The following PXK variants were observed in gnomAD, a reference collection of about 807,000 sequenced individuals.
The protein encoded by PXK is PX domain-containing protein kinase-like protein.
A neutral mutation model predicts 84.7 loss-of-function variants in PXK; 35 were observed. That is an observed-to-expected ratio of 0.41 (90% CI 0.32 to 0.55). The LOEUF is 0.55. PXK is among the 20% of genes least tolerant of loss of function. PXK has a pLI of 0.21. For synonymous variants in PXK, 253 were observed against 260.8 expected (o/e 0.97, Z 0.29); for missense variants, 634 against 699.7 (o/e 0.91, Z 1.06).
At chr3:58,357,964 C>CA (rs111921619) in intron 1 of PXK, among the ~76,000 whole-genome samples, 20,031 of 148,490 alleles carry the variant, frequency 0.13, 2,115 homozygotes, top group African/African-American at 0.29. Flanking sequence ...GACTCTGTCT[C>CA]AAAACAAAAA....
chr3:58,412,850 C>CAA lies in PXK; in HGVS notation c.1466-51_1466-50insAA. ...AGTGGGTCCCAGCCTGGGCCAAATT[C>CAA]CAAATGTCTTTCGTTGGTCCCCATG... On this transcript the variant is annotated intron_variant, in intron 16 of 17. Transcript: ENST00000356151. The surrounding 1 kb of genome is among the most constrained non-coding windows in gnomAD (Gnocchi z 6.2). The CAA allele has an allele frequency of 6.3e-7, 1 of 1,595,472 alleles. No homozygotes were observed.
At chr3:58,342,437 C>A (rs2097753401) in intron 1 of PXK, among the ~76,000 whole-genome samples, 1 of 151,806 alleles carries the variant, frequency 6.6e-6, no homozygotes, top group African/African-American at 2.4e-5. Flanking sequence ...GAGTTCAAGA[C>A]CAGCCTAGGC....
intron 3 of PXK, among the ~76,000 whole-genome samples, chr3:58,381,862 T>C (rs2098506438): frequency 6.6e-6 from 1 of 152,082 alleles, no homozygotes; most frequent in Non-Finnish European, 1.5e-5. Flanking sequence ...CGAACGTGGC[T>C]GTCTTAGGGG....
chr3:58,375,759 C>T (rs971799455), intron 3 of PXK, among the ~76,000 whole-genome samples: 1 of 152,006 alleles, frequency 6.6e-6, no homozygotes, highest in Non-Finnish European at 1.5e-5. Flanking sequence ...GGATGGGTTC[C>T]GGCCACCTGA....
chr3:58,402,274 C>T (rs6780183), intron 12 of PXK, among the ~76,000 whole-genome samples: 2 of 139,134 alleles, frequency 1.4e-5, no homozygotes, highest in Admixed American at 7.3e-5. Context: ...CTCTCTCCCC[C>T]CTTCTTCTTT....
At chr3:58,354,199 G>T (rs2098012299) in intron 1 of PXK, among the ~76,000 whole-genome samples, 1 of 152,042 alleles carries the variant, frequency 6.6e-6, no homozygotes, top group South Asian at 2.1e-4. Context: ...CCTTTAAACG[G>T]CATTGGCAGA....
At chr3:58,377,154 C>T (rs1297980655) in intron 3 of PXK, among the ~76,000 whole-genome samples, 1 of 152,136 alleles carries the variant, frequency 6.6e-6, no homozygotes, top group Non-Finnish European at 1.5e-5. Context: ...AGAAAATTTA[C>T]TCTGTGTATG....
intron 3 of PXK, among the ~76,000 whole-genome samples, chr3:58,381,244 G>A (rs1257710258): frequency 9.4e-5 from 3 of 31,956 alleles, no homozygotes; most frequent in African/African-American, 1.3e-4. Context: ...GCGAGACTCC[G>A]TCTCAAAAAA....
chr3:58,351,053 C>T (rs899572141), intron 1 of PXK, among the ~76,000 whole-genome samples: 3 of 152,132 alleles, frequency 2.0e-5, no homozygotes, highest in African/African-American at 7.2e-5. Flanking sequence ...CTTCTGTTTT[C>T]CCAGTCTCCC....
At chr3:58,353,498 G>A (rs1251328598) in intron 1 of PXK, among the ~76,000 whole-genome samples, 1 of 152,172 alleles carries the variant, frequency 6.6e-6, no homozygotes, top group Non-Finnish European at 1.5e-5. Flanking sequence ...ACAAAGGTAG[G>A]TTCTAGCACT....
rs1194813481 is a variant in PXK, at chr3:58,344,622, G to A, written c.102+11532G>A. 7.2e-5 allele frequency among the ~76,000 whole-genome samples: 11 copies of A among 152,158 alleles called. 1 individual carries two copies. The highest frequency in any genetic ancestry group is 4.6e-4 in the Admixed American group (7 of 15,276). On this transcript the variant is annotated intron_variant, in intron 1 of 17. Coordinates refer to ENST00000356151, the MANE Select transcript of PXK (RefSeq NM_017771.5). The stretch of plus-strand genomic sequence containing the variant: ...GCAGATCACCTGAGGCCAGGAGTTC[G>A]AGACCAGCCTGGCCAACATGGTGAA...
intron 3 of PXK, among the ~76,000 whole-genome samples, chr3:58,376,164 C>T (rs2098440270): frequency 1.3e-5 from 2 of 152,232 alleles, no homozygotes; most frequent in East Asian, 1.9e-4. Context: ...CCTGTAATTC[C>T]AGCACTTTGG....
At chr3:58,396,929 G>A in intron 9 of PXK, 110 bp from the exon 10 acceptor site, 1 of 1,171,630 alleles carries the variant, frequency 8.5e-7, no homozygotes, top group Non-Finnish European at 1.2e-6. Flanking sequence ...AATCTTCTCA[G>A]TGACCTGTTT....
rs1253555989 is a variant in PXK at position 58,423,558 on chromosome 3, T to C, written c.1529-1194T>C. ...GTCACACTTGGTGAAAAGGATGTAC[T>C]TACCTGAGTATTGTGTTGGTGATTC... On this transcript the variant is annotated intron_variant, in intron 17 of 17. Coordinates refer to ENST00000356151, the MANE Select transcript of PXK (RefSeq NM_017771.5). 1.8e-5 allele frequency: 27 copies of C among 1,523,492 alleles called. No homozygotes were observed. In the Middle Eastern group the frequency reaches 1.7e-3, roughly 95 times the overall value. The allele number at this position is 1,523,492 out of a possible 1,614,324, so 94.4% of individuals were successfully genotyped here.
chr3:58,341,436 C>T (rs1262880083), intron 1 of PXK, among the ~76,000 whole-genome samples: 1 of 152,022 alleles, frequency 6.6e-6, no homozygotes, highest in African/African-American at 2.4e-5. Context: ...GTAGTGCACG[C>T]CTGTAATACT....
chr3:58,350,513 A>G lies in PXK; in HGVS notation c.103-15361A>G, dbSNP rs1179224640. On this transcript the variant is annotated intron_variant, in intron 1 of 17. Coordinates refer to ENST00000356151, the MANE Select transcript of PXK (RefSeq NM_017771.5). ...GTTCATCAAAATGAGTCCTTGGAGC[A>G]TGTGAAAGTATTGTGTCCAAGGGCA... 3.3e-5 allele frequency among the ~76,000 whole-genome samples: 5 copies of G among 152,322 alleles called. No homozygotes were observed. In the East Asian group the frequency reaches 9.6e-4, roughly 29 times the overall value.
At chr3:58,354,448 G>GTT (rs1201406097) in intron 1 of PXK, among the ~76,000 whole-genome samples, 18 of 143,250 alleles carry the variant, frequency 1.3e-4, no homozygotes, top group South Asian at 2.2e-4. Flanking sequence ...CTGCTTCCTA[G>GTT]TTTTTTTTTT....
In PXK at chr3:58,333,095, G is replaced by A. The variant is rs190654532; in HGVS notation, c.102+5G>A. 88 of 1,180,186 alleles carry A rather than the reference G, an allele frequency of 7.5e-5. No homozygotes were observed. Among genetic ancestry groups the A allele is most frequent in the Non-Finnish European group, 8.7e-5 (82 of 947,630 alleles). 73.1% of individuals were successfully genotyped at this position (1,180,186 alleles called of 1,614,324 possible). ...CAGAGCCTGCAGTCCCACACGGTGC[G>A]CGGCCCAGCGGGCGGGCGGGCGGCG... On this transcript the variant is annotated splice_donor_5th_base_variant and intron_variant, in intron 1 of 17. Coordinates refer to ENST00000356151, the MANE Select transcript of PXK (RefSeq NM_017771.5). The surrounding 1 kb of genome is among the most constrained non-coding windows in gnomAD (Gnocchi z 5.4).
chr3:58,422,736 A>G, intron 17 of PXK: 1 of 984,960 alleles, frequency 1.0e-6, no homozygotes. Flanking sequence ...GGCAGCCCCT[A>G]CCCCTCAGCC....
Sources: allele counts gnomAD v4.1 joint callset (sites outside exome capture counted in the v4.1 genomes callset), GRCh38; gene constraint gnomAD v4.1.1; non-coding constraint Gnocchi (gnomAD v3.1); transcripts MANE v1.5; gene names NCBI Gene and HGNC (gene_info 2026-07-23, HGNC 2026-07-21).